The following TENM4 variants were observed in gnomAD, a reference collection of about 807,000 sequenced individuals.
TENM4 encodes the protein teneurin-4.
In TENM4, 82 loss-of-function variants were observed where a neutral mutation model predicts 243.3. The ratio of observed to expected loss-of-function variants is 0.34; its 90% CI spans 0.28 to 0.40. The LOEUF is 0.40. Among genes scored for constraint, TENM4 ranks in the 10% least tolerant of loss-of-function variants. TENM4 has a pLI of 1.00. For synonymous variants in TENM4, 1,412 were observed against 1,456.3 expected (o/e 0.97, Z 0.69); for missense variants, 3,138 against 3,673.3 (o/e 0.85, Z 3.77).
At chr11:78,950,217 A>G (rs1021902587) in intron 6 of TENM4, among the ~76,000 whole-genome samples, 2 of 152,194 alleles carry the variant, frequency 1.3e-5, no homozygotes, top group Middle Eastern at 3.2e-3. Context: ...GACCTCATGC[A>G]TCATCTTGTC....
chr11:79,059,524 G>C (rs1362668906), intron 6 of TENM4, among the ~76,000 whole-genome samples: 1 of 152,232 alleles, frequency 6.6e-6, no homozygotes, highest in Admixed American at 6.5e-5. Context: ...CACAAATGCT[G>C]TAGTACAGGC....
rs180822821 is a variant in TENM4 at position 79,204,211 on chromosome 11, C to A, written c.-163+11597G>T. Among the ~76,000 whole-genome samples, 7 of 152,048 alleles carry A rather than the reference C, an allele frequency of 4.6e-5. No homozygotes were observed. In the East Asian group the frequency reaches 1.4e-3, roughly 29 times the overall value. The stretch of plus-strand genomic sequence containing the variant: ...AAAACGGATTCTGGTGATGGTTTCT[C>A]GACTCTGCAAATAGTAAAAAGCACT... On this transcript the variant is annotated intron_variant, in intron 3 of 33. Transcript: ENST00000278550.
chr11:78,889,084 G>C (rs1410863027), intron 9 of TENM4, among the ~76,000 whole-genome samples: 1 of 152,246 alleles, frequency 6.6e-6, no homozygotes, highest in Admixed American at 6.5e-5. Flanking sequence ...GCCATCTGCT[G>C]TATCAAGGCA....
At chr11:78,786,703 A>G (rs756186394) in intron 16 of TENM4, among the ~76,000 whole-genome samples, 195 bp downstream of exon 16, 4 of 152,220 alleles carry the variant, frequency 2.6e-5, no homozygotes, top group Non-Finnish European at 5.9e-5. Flanking sequence ...TGGGAGTAAT[A>G]AGGTTGAAAA....
Position 78,891,243 on chromosome 11 carries a change from A to C in TENM4, c.843T>G (p.Ser281Arg). The change falls in exon 8 of 34, where the codon AGT (serine) becomes AGG (arginine). Residue 281 changes from serine to arginine, a missense_variant. This residue lies in a region of TENM4 where 671 missense variants were observed against 614.1 expected (regional missense o/e 1.09). Coordinates refer to ENST00000278550, the MANE Select transcript of TENM4 (RefSeq NM_001098816.3). ...LGASRHDGAY[S>R]DGHFLFKPGG... ...AGAATGGGGATGTCACCTACCCGTCACTGTAAGCCCCATCATGGCGGGAGG... is the reference window on the plus strand; with the variant it reads ...AGAATGGGGATGTCACCTACCCGTCCCTGTAAGCCCCATCATGGCGGGAGG... The C allele has an allele frequency of 6.4e-7, 1 of 1,551,624 alleles. No homozygotes were observed. Among genetic ancestry groups the C allele is most frequent in the Non-Finnish European group, 8.7e-7 (1 of 1,146,944 alleles).
At chr11:79,429,234 C>T (rs1248011677) in intron 1 of TENM4, among the ~76,000 whole-genome samples, 6 of 152,154 alleles carry the variant, frequency 3.9e-5, no homozygotes, top group Non-Finnish European at 7.4e-5. Context: ...ACTTTATTTT[C>T]AGGGGACAAG....
At chr11:79,409,528 G>A (rs924765026) in intron 1 of TENM4, among the ~76,000 whole-genome samples, 1 of 152,166 alleles carries the variant, frequency 6.6e-6, no homozygotes, top group African/African-American at 2.4e-5. Flanking sequence ...AACTCTTGGA[G>A]CTGCAGGTTC....
intron 33 of TENM4, 92 bp downstream of exon 33, chr11:78,661,357 A>G: frequency 6.7e-7 from 1 of 1,492,072 alleles, no homozygotes; most frequent in Non-Finnish European, 9.0e-7. Flanking sequence ...ATTGGTGTCT[A>G]TCACTGGCCC....
At chr11:79,104,617 C>T (rs1861317604) in intron 4 of TENM4, among the ~76,000 whole-genome samples, 1 of 152,248 alleles carries the variant, frequency 6.6e-6, no homozygotes, top group South Asian at 2.1e-4. Flanking sequence ...TGCAGGTGGA[C>T]ACTTAGGTTG....
chr11:78,796,502 C>A (rs1362896416), intron 15 of TENM4, among the ~76,000 whole-genome samples: 1 of 152,122 alleles, frequency 6.6e-6, no homozygotes, highest in Admixed American at 6.5e-5. Context: ...GCTCATTTCT[C>A]CACTCAGTCA....
At chr11:78,887,001 C>T (rs1855561426) in intron 9 of TENM4, among the ~76,000 whole-genome samples, 1 of 152,170 alleles carries the variant, frequency 6.6e-6, no homozygotes, top group Non-Finnish European at 1.5e-5. Flanking sequence ...AACAGGTAAG[C>T]TTCTACTCCT....
chr11:79,353,600 G>A (rs150098179), intron 1 of TENM4, among the ~76,000 whole-genome samples: 4 of 152,204 alleles, frequency 2.6e-5, no homozygotes, highest in East Asian at 3.9e-4. Flanking sequence ...CTGAAGTGAC[G>A]CTTGGTACCT....
At chr11:79,370,971 T>C (rs1362554923) in intron 1 of TENM4, among the ~76,000 whole-genome samples, 4 of 152,072 alleles carry the variant, frequency 2.6e-5, no homozygotes, top group East Asian at 1.9e-4. Flanking sequence ...GGAACTCTAA[T>C]TGATAAATGG....
chr11:78,818,879 GT>G (rs1857664810), intron 12 of TENM4, among the ~76,000 whole-genome samples: 1 of 151,372 alleles, frequency 6.6e-6, no homozygotes, highest in South Asian at 2.1e-4. Context: ...TGAATAATTG[GT>G]TTTCATAATT....
At chr11:78,830,687 C>CAA (rs1857960882) in intron 12 of TENM4, among the ~76,000 whole-genome samples, 1 of 152,188 alleles carries the variant, frequency 6.6e-6, no homozygotes, top group African/African-American at 2.4e-5. Flanking sequence ...CTTTAATTAA[C>CAA]GATGGCTGAG....
intron 28 of TENM4, among the ~76,000 whole-genome samples, chr11:78,698,767 C>T (rs1397923572): frequency 6.6e-6 from 1 of 152,216 alleles, no homozygotes; most frequent in African/African-American, 2.4e-5. Context: ...CTGGTTGAGA[C>T]TTGGGTCTGG....
At chr11:79,232,281 C>T (rs1463850162) in intron 2 of TENM4, among the ~76,000 whole-genome samples, 1 of 152,106 alleles carries the variant, frequency 6.6e-6, no homozygotes, top group African/African-American at 2.4e-5. Context: ...AGGACTGTTT[C>T]AGATAGTACA....
intron 1 of TENM4, among the ~76,000 whole-genome samples, chr11:79,297,945 C>A (rs61885382): frequency 6.7e-6 from 1 of 150,112 alleles, no homozygotes; most frequent in Admixed American, 6.6e-5. Flanking sequence ...TTTTTTTTTC[C>A]TTCTATACAT....
chr11:79,025,260 GGAATGAATGAATGAATGAAT>G (rs67342343), intron 6 of TENM4, among the ~76,000 whole-genome samples: 18 of 150,900 alleles, frequency 1.2e-4, no homozygotes, highest in Admixed American at 5.3e-4. Context: ...GCATAACACT[GGAATGAATGAATGAATGAAT>G]GAATGAATGA....
Sources: gnomAD v4.1 joint callset for allele counts (sites outside exome capture counted in the v4.1 genomes callset) on GRCh38, gnomAD v4.1.1 for gene constraint, gnomAD v4.1.1 regional missense constraint, MANE v1.5 for transcripts, NCBI Gene and HGNC (gene_info 2026-07-23, HGNC 2026-07-21) for gene names.